The following CHRM5 variants were observed in gnomAD, a reference collection of about 807,000 sequenced individuals.
CHRM5 encodes the protein cholinergic receptor muscarinic 5.
A neutral mutation model predicts 39.0 loss-of-function variants in CHRM5; 18 were observed. The ratio of observed to expected loss-of-function variants is 0.46; its 90% CI spans 0.32 to 0.68. CHRM5 has a LOEUF of 0.68. CHRM5 is among the 30% of genes least tolerant of loss of function. The pLI is 0.04. For synonymous variants in CHRM5, 241 were observed against 246.3 expected (o/e 0.98, Z 0.20); for missense variants, 515 against 651.1 (o/e 0.79, Z 2.28).
At chr15:34,053,319 A>AAAAATATATATATATAT (rs775436850) in intron 2 of CHRM5, among the ~76,000 whole-genome samples, 3 of 42,066 alleles carry the variant, frequency 7.1e-5, no homozygotes, top group African/African-American at 2.4e-4. Context: ...AAAAAAAAAA[A>AAAAATATATATATATAT]ATATATATAT....
At chr15:34,039,128 G>T in intron 1 of CHRM5, 2 of 1,037,818 alleles carry the variant, frequency 1.9e-6, no homozygotes, top group African/African-American at 1.7e-5. Flanking sequence ...CGGGCCGCAC[G>T]GAGGAGCCGC....
rs1467356819 is a variant in CHRM5, at chr15:34,066,101, G to C, written c.*1785G>C. 3 of 152,264 alleles carry C rather than the reference G, an allele frequency of 2.0e-5. No individual in the cohort carries two copies. The highest frequency in any genetic ancestry group is 2.1e-4 in the South Asian group (1 of 4,836). The allele number at this position is 152,264 out of a possible 1,614,324, so 9.4% of individuals were successfully genotyped here. ...TGGTCCCTTATAAAGACTTCACGTT[G>C]ACATGAAACATCTTGTAAGCAGTGC... On this transcript the variant is annotated 3_prime_UTR_variant, in exon 3 of 3. Coordinates refer to ENST00000383263, the MANE Select transcript of CHRM5 (RefSeq NM_012125.4).
intron 1 of CHRM5, among the ~76,000 whole-genome samples, chr15:34,010,360 ACTT>A (rs1897585070): frequency 6.6e-6 from 1 of 152,338 alleles, no homozygotes; most frequent in Admixed American, 6.5e-5. Context: ...CCAAGAGAAT[ACTT>A]ACAGATTATC....
At chr15:34,005,736 C>T (rs1400893216) in intron 1 of CHRM5, among the ~76,000 whole-genome samples, 2 of 152,192 alleles carry the variant, frequency 1.3e-5, no homozygotes, top group Admixed American at 1.3e-4. Context: ...ATTCACTTAA[C>T]AAATTTAACA....
At position 34,062,990 on chromosome 15, in the gene CHRM5, C is replaced by G. The variant is rs1900398593; in HGVS notation, c.273C>G (p.Ile91Met). 1 of 1,614,206 alleles carries G rather than the reference C, an allele frequency of 6.2e-7. No homozygotes were observed. The highest frequency in any genetic ancestry group is 8.5e-7 in the Non-Finnish European group (1 of 1,180,024). Residue 91 changes from isoleucine (I) to methionine (M), a missense_variant, in exon 3 of 3, where the codon ATC becomes ATG. By Grantham distance (10) the Ile-to-Met change is conservative (BLOSUM62 1). Transcript: ENST00000383263. ...CCATGAACCTCTACACCACCTACAT[C>G]CTCATGGGACGCTGGGCTCTCGGGA... is the stretch of plus-strand genomic sequence containing the variant. Reference protein sequence around the residue: ...IFSMNLYTTYILMGRWALGSL... With the variant: ...IFSMNLYTTYMLMGRWALGSL...
intron 1 of CHRM5, among the ~76,000 whole-genome samples, chr15:34,027,246 G>A (rs926628147): frequency 4.6e-5 from 7 of 152,004 alleles, no homozygotes; most frequent in Admixed American, 2.0e-4. Context: ...GAACAGCCTC[G>A]GCTCATACCT....
chr15:33,983,680 G>A (rs923151976), intron 1 of CHRM5, among the ~76,000 whole-genome samples: 20 of 152,054 alleles, frequency 1.3e-4, no homozygotes, highest in African/African-American at 3.9e-4. Context: ...TACTCGCATC[G>A]TCTTGAGTGT....
chr15:34,058,555 AACACACACACACAC>A (rs3027963), intron 2 of CHRM5, among the ~76,000 whole-genome samples: 5 of 143,180 alleles, frequency 3.5e-5, no homozygotes, highest in East Asian at 2.1e-4. Context: ...CTTTAATTCT[AACACACACACACAC>A]ACACACACAC....
At chr15:34,047,373 G>A (rs565272719) in intron 2 of CHRM5, among the ~76,000 whole-genome samples, 3 of 152,176 alleles carry the variant, frequency 2.0e-5, no homozygotes, top group South Asian at 4.1e-4. Context: ...CACCGTGCCC[G>A]GCGGAGACCT....
At chr15:34,048,937 C>A (rs1198772469) in intron 2 of CHRM5, among the ~76,000 whole-genome samples, 2 of 152,190 alleles carry the variant, frequency 1.3e-5, no homozygotes, top group African/African-American at 4.8e-5. Context: ...CTGGAGTGGA[C>A]CCACGGCAAA....
At chr15:34,012,556 C>A (rs1016517406) in intron 1 of CHRM5, among the ~76,000 whole-genome samples, 3 of 152,064 alleles carry the variant, frequency 2.0e-5, no homozygotes, top group African/African-American at 7.2e-5. Flanking sequence ...CTGCAAATGG[C>A]CAGATTTTCT....
chr15:33,982,896 T>C (rs1017143230), intron 1 of CHRM5, among the ~76,000 whole-genome samples: 1 of 152,110 alleles, frequency 6.6e-6, no homozygotes. Context: ...ATCAGTCAAA[T>C]GGTTAGCATG....
intron 1 of CHRM5, among the ~76,000 whole-genome samples, chr15:33,996,534 A>G (rs1338911539): frequency 1.3e-5 from 2 of 152,232 alleles, no homozygotes; most frequent in Admixed American, 1.3e-4. Context: ...GCTGTTCTGC[A>G]GCCTCCGCTG....
chr15:34,053,319 A>ATATATATATATAT (rs1555520677), intron 2 of CHRM5, among the ~76,000 whole-genome samples: 2 of 42,064 alleles, frequency 4.8e-5, no homozygotes, highest in African/African-American at 8.0e-5. Context: ...AAAAAAAAAA[A>ATATATATATATAT]ATATATATAT....
chr15:34,013,983 T>C (rs1897753008), intron 1 of CHRM5, among the ~76,000 whole-genome samples: 1 of 152,142 alleles, frequency 6.6e-6, no homozygotes, highest in African/African-American at 2.4e-5. Context: ...TGCCTTGGTA[T>C]TAGCAAAGAA....
At chr15:34,014,195 T>C (rs1250605119) in intron 1 of CHRM5, among the ~76,000 whole-genome samples, 1 of 151,834 alleles carries the variant, frequency 6.6e-6, no homozygotes, top group African/African-American at 2.4e-5. Flanking sequence ...AAACCCCATC[T>C]CTACTAAAAA....
At chr15:34,047,224 C>T (rs950230024) in intron 2 of CHRM5, among the ~76,000 whole-genome samples, 1 of 152,034 alleles carries the variant, frequency 6.6e-6, no homozygotes, top group Non-Finnish European at 1.5e-5. Flanking sequence ...ACTACAGGCG[C>T]CCGCCACCAT....
intron 1 of CHRM5, among the ~76,000 whole-genome samples, chr15:33,995,659 A>C (rs1896902749): frequency 6.6e-6 from 1 of 152,236 alleles, no homozygotes; most frequent in African/African-American, 2.4e-5. Context: ...GAAATGACTA[A>C]ATGAATCAGA....
At chr15:34,038,378 A>C (rs1218792745) in intron 1 of CHRM5, among the ~76,000 whole-genome samples, 1 of 152,198 alleles carries the variant, frequency 6.6e-6, no homozygotes, top group Non-Finnish European at 1.5e-5. Flanking sequence ...GCGTGCCCGT[A>C]AAGGCTGCCG....
Sources: gnomAD v4.1 joint callset for allele counts (sites outside exome capture counted in the v4.1 genomes callset) on GRCh38, gnomAD v4.1.1 for gene constraint, MANE v1.5 for transcripts, NCBI Gene and HGNC (gene_info 2026-07-23, HGNC 2026-07-21) for gene names.